PTPN14: variants seen among roughly 807,000 people sequenced by gnomAD.
PTPN14 encodes tyrosine-protein phosphatase non-receptor type 14.
PTPN14 carries 53 observed loss-of-function variants against 126.8 expected under a neutral mutation model. That is an observed-to-expected ratio of 0.42 (90% CI 0.34 to 0.53). The LOEUF is 0.53. Ranked by LOEUF, PTPN14 falls within the 20% of genes least tolerant of loss-of-function variation. The pLI is 0.08. For synonymous variants in PTPN14, 630 were observed against 599.3 expected (o/e 1.05, Z -0.75); for missense variants, 1,257 against 1,552.9 (o/e 0.81, Z 3.20).
chr1:214,381,657 G>A (rs925289387), intron 13 of PTPN14, among the ~76,000 whole-genome samples: 1 of 152,300 alleles, frequency 6.6e-6, no homozygotes, highest in Admixed American at 6.5e-5. Flanking sequence ...TTAAAACTTT[G>A]GGCCTTGATT....
intron 11 of PTPN14, among the ~76,000 whole-genome samples, chr1:214,387,331 T>C (rs966821813): frequency 6.6e-6 from 1 of 152,148 alleles, no homozygotes; most frequent in African/African-American, 2.4e-5. Context: ...GGGCAACACA[T>C]TGAAATGCCA....
intron 1 of PTPN14, chr1:214,532,936 G>T: frequency 1.2e-6 from 1 of 810,290 alleles, no homozygotes; most frequent in Admixed American, 1.7e-5. Context: ...AGACATCTGG[G>T]CCCAATATGA....
At chr1:214,510,206 A>G (rs1382023708) in intron 1 of PTPN14, among the ~76,000 whole-genome samples, 2 of 152,200 alleles carry the variant, frequency 1.3e-5, no homozygotes, top group East Asian at 1.9e-4. Context: ...TTAGTTTGCC[A>G]TCTTATGTGG....
chr1:214,549,373 A>G (rs1233197739), intron 1 of PTPN14, among the ~76,000 whole-genome samples: 2 of 152,224 alleles, frequency 1.3e-5, no homozygotes, highest in Non-Finnish European at 1.5e-5. Flanking sequence ...AGTTTCAGAG[A>G]AAAGAACGAC....
intron 1 of PTPN14, chr1:214,482,985 T>C: frequency 1.3e-6 from 2 of 1,584,724 alleles, no homozygotes; most frequent in Non-Finnish European, 1.7e-6. Flanking sequence ...AACAATCTCA[T>C]TCATGTTTGT....
intron 8 of PTPN14, among the ~76,000 whole-genome samples, chr1:214,395,588 A>AACACACAC (rs57357032): frequency 0.024 from 3,168 of 132,490 alleles, 52 homozygotes; most frequent in African/African-American, 0.039. Context: ...GGGACCCAAC[A>AACACACAC]ACACACACAC....
chr1:214,440,074 A>C (rs1056238254), intron 3 of PTPN14, among the ~76,000 whole-genome samples: 11 of 152,254 alleles, frequency 7.2e-5, no homozygotes, highest in African/African-American at 2.6e-4. Context: ...TGAACGTTTA[A>C]ATAAATCCTA....
intron 3 of PTPN14, among the ~76,000 whole-genome samples, chr1:214,449,011 C>CTTTTTTTTTTTTTTTTTTTTTT (rs71165970): frequency 5.3e-5 from 6 of 112,438 alleles, no homozygotes; most frequent in East Asian, 3.0e-4. Context: ...CTTAATTTTT[C>CTTTTTTTTTTTTTTTTTTTTTT]TTTTTTTTTT....
intron 17 of PTPN14, among the ~76,000 whole-genome samples, chr1:214,366,022 G>A (rs190718954): frequency 7.5e-4 from 114 of 152,156 alleles, no homozygotes; most frequent in African/African-American, 2.5e-3. Flanking sequence ...AAAATCAGTC[G>A]GATGTGGTGG....
chr1:214,511,558 T>C (rs1290094036), intron 1 of PTPN14, among the ~76,000 whole-genome samples: 1 of 152,016 alleles, frequency 6.6e-6, no homozygotes. Flanking sequence ...GGAACTCTTG[T>C]GCACTGTTGG....
intron 1 of PTPN14, among the ~76,000 whole-genome samples, chr1:214,473,013 A>G (rs1341993768): frequency 6.6e-6 from 1 of 152,260 alleles, no homozygotes; most frequent in African/African-American, 2.4e-5. Flanking sequence ...GCAAGAGAAC[A>G]TACAGAAAAC....
At chr1:214,363,877 C>T (rs1658010467) in intron 18 of PTPN14, among the ~76,000 whole-genome samples, 1 of 152,228 alleles carries the variant, frequency 6.6e-6, no homozygotes, top group African/African-American at 2.4e-5. Flanking sequence ...CCTAATCCTA[C>T]AGCAGCAAAG....
intron 1 of PTPN14, among the ~76,000 whole-genome samples, chr1:214,546,110 T>G (rs1558150002): frequency 6.6e-6 from 1 of 151,960 alleles, no homozygotes; most frequent in Admixed American, 6.5e-5. Context: ...GGAACAGGGG[T>G]GGGTGAACCA....
intron 8 of PTPN14, among the ~76,000 whole-genome samples, chr1:214,396,268 C>T (rs766661143): frequency 3.2e-4 from 49 of 152,300 alleles, no homozygotes; most frequent in Middle Eastern, 3.4e-3. Context: ...CATGTTTACT[C>T]TCTATGTCAA....
At chr1:214,537,837 C>A (rs1034010158) in intron 1 of PTPN14, among the ~76,000 whole-genome samples, 23 of 152,110 alleles carry the variant, frequency 1.5e-4, no homozygotes, top group Admixed American at 9.2e-4. Context: ...ATGCAAGCCA[C>A]CTATGTAATT....
chr1:214,421,900 CT>C (rs1437344009), intron 3 of PTPN14, among the ~76,000 whole-genome samples: 1 of 152,164 alleles, frequency 6.6e-6, no homozygotes, highest in Non-Finnish European at 1.5e-5. Context: ...CCCAAACCCT[CT>C]CAACAAGTTA....
intron 5 of PTPN14, among the ~76,000 whole-genome samples, chr1:214,407,355 C>T (rs532731927): frequency 2.6e-5 from 4 of 152,076 alleles, no homozygotes; most frequent in South Asian, 2.1e-4. Context: ...TGAAACCCCC[C>T]GTCTCTACTA....
chr1:214,527,811 G>C (rs963234173), intron 1 of PTPN14, among the ~76,000 whole-genome samples: 1 of 152,200 alleles, frequency 6.6e-6, no homozygotes. Context: ...GCCAAATGCA[G>C]TCTGGTGGTT....
intron 3 of PTPN14, among the ~76,000 whole-genome samples, chr1:214,432,705 G>A (rs1201700510): frequency 6.6e-6 from 1 of 151,560 alleles, no homozygotes; most frequent in Non-Finnish European, 1.5e-5. Context: ...ACATCAAAGA[G>A]CATATACTGT....
Sources: allele counts gnomAD v4.1 joint callset (sites outside exome capture counted in the v4.1 genomes callset), GRCh38; gene constraint gnomAD v4.1.1; transcripts MANE v1.5; gene names NCBI Gene and HGNC (gene_info 2026-07-23, HGNC 2026-07-21).